The following ZPBP variants were observed in gnomAD, a reference collection of about 807,000 sequenced individuals.
The protein encoded by ZPBP is zona pellucida binding protein, also known as zona pellucida-binding protein 1.
In ZPBP, 26 loss-of-function variants were observed where a neutral mutation model predicts 44.8. The observed-to-expected ratio is 0.58, with a 90% CI of 0.43 to 0.81. The LOEUF (loss-of-function observed/expected upper bound fraction) is 0.81. Ranked by LOEUF, ZPBP falls within the 30% of genes least tolerant of loss-of-function variation. The pLI, the probability that ZPBP is intolerant of heterozygous loss-of-function variation, is 0.00. For missense variants in ZPBP, 409 were observed against 434.0 expected, an observed-to-expected ratio of 0.94 and a Z score of 0.51; for synonymous variants, 174 against 153.2, an observed-to-expected ratio of 1.14 and a Z score of -1.00.
chr7:49,935,329 G>A (rs1207663169), downstream of ZPBP, among the ~76,000 whole-genome samples: 14 of 151,448 alleles, frequency 9.2e-5, no homozygotes, highest in Non-Finnish European at 5.9e-5. Flanking sequence ...TGAGACCCAA[G>A]AAAAAGAAAT....
At chr7:49,979,291 T>C (rs1796670924) in intron 7 of ZPBP, among the ~76,000 whole-genome samples, 1 of 151,970 alleles carries the variant, frequency 6.6e-6, no homozygotes, top group South Asian at 2.1e-4. Context: ...TCTTCTTGTA[T>C]TTTTCCCTTA....
At chr7:50,031,448 T>C (rs1799605009) in intron 4 of ZPBP, 138 bp from the exon 5 acceptor site, 2 of 687,568 alleles carry the variant, frequency 2.9e-6, no homozygotes, top group African/African-American at 1.8e-5. Context: ...TTATTTTTAG[T>C]TCTCCAACAC....
At chr7:49,987,356 A>G (rs915594776) in intron 6 of ZPBP, among the ~76,000 whole-genome samples, 4 of 152,142 alleles carry the variant, frequency 2.6e-5, no homozygotes, top group Non-Finnish European at 5.9e-5. Flanking sequence ...TCAGTCGACT[A>G]AACTATTTTT....
intron 1 of ZPBP, chr7:49,919,577 C>T (rs1793913700): frequency 6.6e-6 from 1 of 152,026 alleles, no homozygotes; most frequent in Admixed American, 6.6e-5. Context: ...CCTCACAAAC[C>T]CCAATTTAAT....
At chr7:50,070,516 T>C (rs1000376252) in intron 3 of ZPBP, among the ~76,000 whole-genome samples, 1 of 152,238 alleles carries the variant, frequency 6.6e-6, no homozygotes, top group Non-Finnish European at 1.5e-5. Context: ...CACCCAGCCC[T>C]GGGGCTCTAG....
chr7:50,014,310 T>C (rs1031571837), intron 6 of ZPBP, among the ~76,000 whole-genome samples: 2 of 151,738 alleles, frequency 1.3e-5, no homozygotes, highest in Non-Finnish European at 2.9e-5. Context: ...CAGAACAACC[T>C]TGACAAAAAA....
intron 1 of ZPBP, among the ~76,000 whole-genome samples, chr7:49,908,426 T>C (rs919632664): frequency 1.3e-5 from 2 of 152,168 alleles, no homozygotes; most frequent in African/African-American, 4.8e-5. Flanking sequence ...AAAATCTAAA[T>C]ACAACAGGAT....
intron 7 of ZPBP, among the ~76,000 whole-genome samples, chr7:49,953,724 C>T (rs1300445299): frequency 1.3e-5 from 2 of 151,994 alleles, no homozygotes; most frequent in Non-Finnish European, 2.9e-5. Context: ...AAACATAACC[C>T]ATATTCAGGG....
downstream of ZPBP, among the ~76,000 whole-genome samples, chr7:49,933,386 T>A (rs1203835847): frequency 6.6e-6 from 1 of 152,194 alleles, no homozygotes; most frequent in Non-Finnish European, 1.5e-5. Flanking sequence ...AAACCTAACT[T>A]GCTTAAACAA....
At chr7:50,042,898 G>A (rs1235742631) in intron 4 of ZPBP, among the ~76,000 whole-genome samples, 1 of 152,164 alleles carries the variant, frequency 6.6e-6, no homozygotes, top group Non-Finnish European at 1.5e-5. Context: ...AGACCCATCT[G>A]TTGGGAACAA....
chr7:49,909,233 T>C (rs1302484417), intron 1 of ZPBP, among the ~76,000 whole-genome samples: 1 of 152,214 alleles, frequency 6.6e-6, no homozygotes, highest in Non-Finnish European at 1.5e-5. Flanking sequence ...GCAGTTATGG[T>C]GTGGCTTCTC....
chr7:50,071,095 T>C (rs1801812275), intron 3 of ZPBP, among the ~76,000 whole-genome samples: 1 of 152,190 alleles, frequency 6.6e-6, no homozygotes, highest in African/African-American at 2.4e-5. Flanking sequence ...AAGTAGGCAC[T>C]GAAAAGACTT....
chr7:49,849,661 C>A (rs1325709060), downstream of ZPBP, among the ~76,000 whole-genome samples: 2 of 152,230 alleles, frequency 1.3e-5, no homozygotes, highest in Non-Finnish European at 2.9e-5. Context: ...ACGCTGGGTG[C>A]TTGTTTCACC....
chr7:49,891,487 T>C (rs1792125408), intron 2 of ZPBP, among the ~76,000 whole-genome samples: 1 of 152,076 alleles, frequency 6.6e-6, no homozygotes, highest in Non-Finnish European at 1.5e-5. Context: ...TAGAAAATAA[T>C]GACAAGATAC....
intron 2 of ZPBP, among the ~76,000 whole-genome samples, chr7:49,868,158 G>C (rs570589654): frequency 6.6e-6 from 1 of 152,072 alleles, no homozygotes; most frequent in Admixed American, 6.6e-5. Context: ...TATAAGTGAG[G>C]AAAACCCAAG....
Position 50,058,022 on chromosome 7 carries a change from C to T in ZPBP, c.454G>A (p.Val152Ile), listed in dbSNP as rs755574437. Residue 152 changes from valine to isoleucine, a missense_variant, in exon 4 of 8, where the codon GTT becomes ATT. Val to Ile is a conservative substitution (Grantham distance 29). Transcript: ENST00000046087. Reference sequence around the variant, plus strand: ...GCATATTTTAGTTGAAGACGTTTAACAATTTCTTCCACAGTAGGTTTATAT... The same window carrying T: ...GCATATTTTAGTTGAAGACGTTTAATAATTTCTTCCACAGTAGGTTTATAT... ...LEYKPTVEEIVKRLQLKYAIY... is the reference protein window; with the variant it reads ...LEYKPTVEEIIKRLQLKYAIY... 2.5e-6 allele frequency: 4 copies of T among 1,612,518 alleles called. No homozygotes were observed. The Admixed American group carries it at 6.7e-5, about 27-fold the overall frequency.
chr7:50,015,056 C>A (rs1798759204), intron 6 of ZPBP, among the ~76,000 whole-genome samples: 1 of 152,060 alleles, frequency 6.6e-6, no homozygotes, highest in African/African-American at 2.4e-5. Flanking sequence ...ATTCTGAATT[C>A]TTTTTACATA....
At chr7:49,981,864 AG>A (rs1562820865) in intron 7 of ZPBP, among the ~76,000 whole-genome samples, 2 of 41,532 alleles carry the variant, frequency 4.8e-5, no homozygotes, top group African/African-American at 1.2e-4. Context: ...TGAATTATAT[AG>A]ATTATATAAT....
intron 2 of ZPBP, among the ~76,000 whole-genome samples, chr7:49,864,267 A>C (rs1205510277): frequency 1.3e-5 from 2 of 151,400 alleles, no homozygotes; most frequent in East Asian, 3.8e-4. Flanking sequence ...AAGACAAAGA[A>C]GGAGGGAGGA....
Sources: gnomAD v4.1 joint callset for allele counts (sites outside exome capture counted in the v4.1 genomes callset) on GRCh38, gnomAD v4.1.1 for gene constraint, MANE v1.5 for transcripts, NCBI Gene and HGNC (gene_info 2026-07-23, HGNC 2026-07-21) for gene names.